Variants in AGPAT3 observed in about 807,000 individuals in gnomAD.
The protein encoded by AGPAT3 is 1-acyl-sn-glycerol-3-phosphate acyltransferase gamma.
Under a neutral mutation model 47.3 loss-of-function variants are expected in AGPAT3, and 5 were observed. The ratio of observed to expected loss-of-function variants is 0.11; its 90% CI spans 0.06 to 0.22. The LOEUF (loss-of-function observed/expected upper bound fraction) is 0.22. Among genes scored for constraint, AGPAT3 ranks in the 10% least tolerant of loss-of-function variants. The pLI, the probability that AGPAT3 is intolerant of heterozygous loss-of-function variation, is 1.00. For synonymous variants in AGPAT3, 212 were observed against 208.3 expected, an observed-to-expected ratio of 1.02 and a Z score of -0.15; for missense variants, 315 against 493.0, an observed-to-expected ratio of 0.64 and a Z score of 3.42.
chr21:43,980,100 G>A (rs887424003), intron 8 of AGPAT3, among the ~76,000 whole-genome samples: 6 of 151,896 alleles, frequency 4.0e-5, no homozygotes, highest in African/African-American at 1.5e-4. Flanking sequence ...GGCCAACATG[G>A]TGAAACCCTG....
At chr21:43,923,360 T>C (rs937824111) in intron 2 of AGPAT3, among the ~76,000 whole-genome samples, 6 of 152,210 alleles carry the variant, frequency 3.9e-5, no homozygotes, top group African/African-American at 9.7e-5. Context: ...GTTTGTCCCC[T>C]GTGAAAAGGA....
chr21:43,880,965 G>C lies in AGPAT3; in HGVS notation c.-112+15620G>C, dbSNP rs1451831698. Among the ~76,000 whole-genome samples, 1 of 74,912 alleles carries C rather than the reference G, an allele frequency of 1.3e-5. No individual in the cohort carries two copies. Among genetic ancestry groups the C allele is most frequent in the South Asian group, 5.2e-4 (1 of 1,926 alleles). 49.1% of individuals were successfully genotyped at this position (74,912 alleles called of 152,430 possible). Reference sequence around the variant, plus strand: ...AGTTGGTCATTCTTAATGCCAGGGAGGGGGAAGAGAGAGAAAATGAGAGAG... The same window carrying C: ...AGTTGGTCATTCTTAATGCCAGGGACGGGGAAGAGAGAGAAAATGAGAGAG... On this transcript the variant is annotated intron_variant, in intron 1 of 9. Transcript: ENST00000291572. This position sits in a 1 kb window ranked among gnomAD's most constrained non-coding sequence, Gnocchi z 4.5.
At chr21:43,895,260 A>G (rs997152843) in intron 1 of AGPAT3, among the ~76,000 whole-genome samples, 2 of 151,776 alleles carry the variant, frequency 1.3e-5, no homozygotes, top group African/African-American at 4.8e-5. Flanking sequence ...GCATGCCACC[A>G]TGCCCAGCTA....
intron 1 of AGPAT3, chr21:43,866,694 T>C (rs1332728391): frequency 6.6e-6 from 1 of 152,260 alleles, no homozygotes; most frequent in Non-Finnish European, 1.5e-5. Flanking sequence ...CTTGAGGACA[T>C]TGTCTAAAAA....
chr21:43,886,731 TATA>T (rs1187870460), intron 1 of AGPAT3, among the ~76,000 whole-genome samples: 1 of 152,214 alleles, frequency 6.6e-6, no homozygotes, highest in Non-Finnish European at 1.5e-5. Flanking sequence ...TTGCACTTAA[TATA>T]ATGAGCTCCA....
rs952595909 is a variant in AGPAT3, at chr21:43,981,330, C to T, written c.1042+143C>T. ...GGACCCTGGAGCCAGGATCCCCCCACGGCCTGCGGGCCTCAGAGCCTGGAT... is the reference window on the plus strand; with the variant it reads ...GGACCCTGGAGCCAGGATCCCCCCATGGCCTGCGGGCCTCAGAGCCTGGAT... On this transcript the variant is annotated intron_variant, in intron 9 of 9. Coordinates refer to ENST00000291572, the MANE Select transcript of AGPAT3 (RefSeq NM_020132.5). The surrounding 1 kb of genome is among the most constrained non-coding windows in gnomAD (Gnocchi z 5.3). 7 of 911,908 alleles carry T rather than the reference C, an allele frequency of 7.7e-6. No homozygotes were observed. Among genetic ancestry groups the T allele is most frequent in the African/African-American group, 1.6e-5 (1 of 60,998 alleles). 56.5% of individuals were successfully genotyped at this position (911,908 alleles called of 1,614,324 possible).
intron 3 of AGPAT3, among the ~76,000 whole-genome samples, chr21:43,961,214 A>C (rs1244138022): frequency 6.6e-6 from 1 of 151,712 alleles, no homozygotes; most frequent in Non-Finnish European, 1.5e-5. Context: ...ATATCCAGGG[A>C]GTGGGGAAAG....
chr21:43,942,109 G>A (rs573584191), intron 2 of AGPAT3, among the ~76,000 whole-genome samples: 5 of 152,370 alleles, frequency 3.3e-5, no homozygotes, highest in African/African-American at 7.2e-5. Context: ...GGCCTGCGCC[G>A]TGGCAGCGTA....
At chr21:43,953,460 T>C (rs2088299210) in intron 2 of AGPAT3, among the ~76,000 whole-genome samples, 1 of 152,230 alleles carries the variant, frequency 6.6e-6, no homozygotes, top group South Asian at 2.1e-4. Context: ...GCTTAAAGCC[T>C]GTGCATAAGA....
At chr21:43,980,954 C>A (rs751339511) in intron 8 of AGPAT3, 35 bp from the exon 9 acceptor site, 4 of 1,576,962 alleles carry the variant, frequency 2.5e-6, no homozygotes, top group East Asian at 4.5e-5. Flanking sequence ...TGTAAAGAAG[C>A]CTCACGCTTC....
chr21:43,943,657 C>A, intron 2 of AGPAT3, among the ~76,000 whole-genome samples: 1 of 152,180 alleles, frequency 6.6e-6, no homozygotes, highest in East Asian at 1.9e-4. Flanking sequence ...CTGCGCCTGG[C>A]CTGCCAGGCC....
At chr21:43,921,028 G>T (rs1369826110) in intron 2 of AGPAT3, among the ~76,000 whole-genome samples, 1 of 152,166 alleles carries the variant, frequency 6.6e-6, no homozygotes, top group East Asian at 1.9e-4. Context: ...CAGGAGAATG[G>T]CGTGAACCCT....
rs2089894817 is a variant in AGPAT3 at position 43,982,667 on chromosome 21, TC to T, written c.*277del. The stretch of plus-strand genomic sequence containing the variant: ...CCCGCGGACGCCGTCTCTCCAGAAC[TC>T]CGCTTCCAAGAGGGAGCCTTTGGCT... On this transcript the variant is annotated 3_prime_UTR_variant, in exon 10 of 10. Coordinates refer to ENST00000291572, the MANE Select transcript of AGPAT3 (RefSeq NM_020132.5). The surrounding 1 kb of genome is among the most constrained non-coding windows in gnomAD (Gnocchi z 6.2). The T allele has an allele frequency of 3.7e-6, 1 of 266,850 alleles. No homozygotes were observed. Among genetic ancestry groups the T allele is most frequent in the African/African-American group, 2.3e-5 (1 of 44,268 alleles). The allele number at this position is 266,850 out of a possible 1,614,324, so 16.5% of individuals were successfully genotyped here.
In AGPAT3 at chr21:43,900,067, T is replaced by C. The variant is rs554593154; in HGVS notation, c.-111-3890T>C. On this transcript the variant is annotated intron_variant, in intron 1 of 9. Transcript: ENST00000291572. ...ATGTACTTTGAGTGAGATGTCTTCATGGAGAGTAAATGATCTGGAGGTAGA... is the reference window on the plus strand; with the variant it reads ...ATGTACTTTGAGTGAGATGTCTTCACGGAGAGTAAATGATCTGGAGGTAGA... 2.6e-5 allele frequency among the ~76,000 whole-genome samples: 4 copies of C among 152,318 alleles called. No individual in the cohort carries two copies. The South Asian group carries it at 8.3e-4, about 32-fold the overall frequency.
intron 1 of AGPAT3, among the ~76,000 whole-genome samples, chr21:43,873,795 G>A (rs2085675966): frequency 1.3e-5 from 2 of 152,106 alleles, no homozygotes; most frequent in South Asian, 4.1e-4. Context: ...TTCTTTTCTA[G>A]ATTCATCTCA....
At chr21:43,911,530 T>A (rs1228170148) in intron 2 of AGPAT3, among the ~76,000 whole-genome samples, 2 of 152,238 alleles carry the variant, frequency 1.3e-5, no homozygotes, top group African/African-American at 4.8e-5. Flanking sequence ...AGATGCCGCC[T>A]CGCTGGAAGG....
intron 3 of AGPAT3, chr21:43,966,029 G>A (rs1329706270): frequency 1.3e-5 from 2 of 152,178 alleles, no homozygotes; most frequent in African/African-American, 2.4e-5. Flanking sequence ...ATTTCATATC[G>A]GGCCCAGGCG....
At chr21:43,901,264 A>G (rs2086344742) in intron 1 of AGPAT3, among the ~76,000 whole-genome samples, 1 of 150,984 alleles carries the variant, frequency 6.6e-6, no homozygotes, top group African/African-American at 2.4e-5. Flanking sequence ...TCGAGGCTGC[A>G]GTGAGCTATG....
intron 2 of AGPAT3, among the ~76,000 whole-genome samples, chr21:43,925,919 G>C (rs1483418104): frequency 6.6e-6 from 1 of 152,262 alleles, no homozygotes; most frequent in Non-Finnish European, 1.5e-5. Flanking sequence ...CCTCTCTGGT[G>C]TGGTGGCCGC....
Sources: allele counts gnomAD v4.1 joint callset (sites outside exome capture counted in the v4.1 genomes callset), GRCh38; gene constraint gnomAD v4.1.1; non-coding constraint Gnocchi (gnomAD v3.1); transcripts MANE v1.5; gene names NCBI Gene and HGNC (gene_info 2026-07-23, HGNC 2026-07-21).